The following PCYT1A variants were observed in gnomAD, a reference collection of about 807,000 sequenced individuals.
The protein encoded by PCYT1A is choline-phosphate cytidylyltransferase A.
A neutral mutation model predicts 43.7 loss-of-function variants in PCYT1A; 25 were observed. The ratio of observed to expected loss-of-function variants is 0.57; its 90% CI spans 0.42 to 0.80. PCYT1A has a LOEUF of 0.80. Among genes scored for constraint, PCYT1A ranks in the 30% least tolerant of loss-of-function variants. PCYT1A has a pLI of 0.00. For synonymous variants in PCYT1A, 172 were observed against 170.7 expected, an observed-to-expected ratio of 1.01 and a Z score of -0.06; for missense variants, 421 against 474.2, an observed-to-expected ratio of 0.89 and a Z score of 1.04.
chr3:196,245,261 C>T (rs1724525756), intron 5 of PCYT1A, among the ~76,000 whole-genome samples: 1 of 151,876 alleles, frequency 6.6e-6, no homozygotes, highest in Non-Finnish European at 1.5e-5. Flanking sequence ...CCTGCCTCAG[C>T]CTCCCGAGTA....
chr3:196,257,253 A>G (rs1724974557), intron 3 of PCYT1A, among the ~76,000 whole-genome samples: 1 of 152,240 alleles, frequency 6.6e-6, no homozygotes, highest in Non-Finnish European at 1.5e-5. Context: ...TATGTAAATT[A>G]AGCATGCAAA....
At chr3:196,264,084 G>A (rs1307439167) in intron 2 of PCYT1A, among the ~76,000 whole-genome samples, 1 of 152,016 alleles carries the variant, frequency 6.6e-6, no homozygotes, top group African/African-American at 2.4e-5. Context: ...TAAACTCTTT[G>A]TCTTCCTCCT....
chr3:196,261,273 A>G (rs1325748560), intron 2 of PCYT1A, among the ~76,000 whole-genome samples: 1 of 152,226 alleles, frequency 6.6e-6, no homozygotes, highest in Admixed American at 6.5e-5. Context: ...ATGGTTGTAC[A>G]ACAGTATGAC....
chr3:196,267,110 C>T (rs1291145678), intron 2 of PCYT1A, among the ~76,000 whole-genome samples: 1 of 144,362 alleles, frequency 6.9e-6, no homozygotes, highest in Non-Finnish European at 1.5e-5. Context: ...ACCCAGGAGG[C>T]GGAGGTTGCA....
chr3:196,243,263 G>A (rs1226078963), intron 5 of PCYT1A: 3 of 152,596 alleles, frequency 2.0e-5, no homozygotes, highest in African/African-American at 7.3e-5. Flanking sequence ...AGGAGGCAGA[G>A]GCTACAGTGA....
Position 196,235,873 on chromosome 3 carries a change from C to T in PCYT1A, c.*2815G>A, listed in dbSNP as rs1362511791. 1 of 152,314 alleles carries T rather than the reference C, an allele frequency of 6.6e-6. No homozygotes were observed. The highest frequency in any genetic ancestry group is 1.5e-5 in the Non-Finnish European group (1 of 68,112). 9.4% of individuals were successfully genotyped at this position (152,314 alleles called of 1,614,324 possible). ...CAGATGACCACATTATGCAACTTCC[C>T]AACAGCTTTCTCCATCTACCCGTGC... On this transcript the variant is annotated 3_prime_UTR_variant, in exon 9 of 9. Transcript: ENST00000431016. The surrounding 1 kb of genome is among the most constrained non-coding windows in gnomAD (Gnocchi z 4.3).
rs374831064 is a variant in PCYT1A, at chr3:196,238,801, A to C, written c.991T>G (p.Ser331Ala). The change falls in exon 9 of 9, where the codon TCC (serine) becomes GCC (alanine). Residue 331 changes from serine to alanine, a missense_variant. Physicochemically the swap from Ser to Ala is moderately conservative, Grantham distance 99 (BLOSUM62 1). This residue lies in a region of PCYT1A where 108 missense variants were observed against 85.7 expected (regional missense o/e 1.26). Coordinates refer to ENST00000431016, the MANE Select transcript of PCYT1A (RefSeq NM_001312673.2). ...SSSPTRERSPSPSFRWPFSGK... is the reference protein window; with the variant it reads ...SSSPTRERSPAPSFRWPFSGK... ...GAGAAGGGCCATCGGAAAGAGGGGG[A>C]GGGGGAGCGCTCGCGAGTAGGGCTG... 3 of 1,580,948 alleles carry C rather than the reference A, an allele frequency of 1.9e-6. No individual in the cohort carries two copies. Among genetic ancestry groups the C allele is most frequent in the Middle Eastern group, 1.7e-4 (1 of 5,860 alleles).
rs1212274641 is a variant in PCYT1A, at chr3:196,238,123, T to G, written c.*565A>C. 1 of 152,372 alleles carries G rather than the reference T, an allele frequency of 6.6e-6. No homozygotes were observed. The highest frequency in any genetic ancestry group is 1.5e-5 in the Non-Finnish European group (1 of 68,030). 9.4% of individuals were successfully genotyped at this position (152,372 alleles called of 1,614,324 possible). On this transcript the variant is annotated 3_prime_UTR_variant, in exon 9 of 9. Coordinates refer to ENST00000431016, the MANE Select transcript of PCYT1A (RefSeq NM_001312673.2). The stretch of plus-strand genomic sequence containing the variant: ...CAATGACACTGGTGACAGCAGTACG[T>G]TCAGGGGATTTGTGACTGTAACTCT...
At position 196,239,743 on chromosome 3, in the gene PCYT1A, A is replaced by G; in HGVS notation, c.709-8T>C. On this transcript the variant is annotated splice_polypyrimidine_tract_variant and splice_region_variant and intron_variant, in intron 7 of 8. Transcript: ENST00000431016. ...CAAGTGGTATTTCTTCTCCTAGATA[A>G]AGAAATAACTCTTCTGAGAAATAAT... is the stretch of plus-strand genomic sequence containing the variant. The G allele has an allele frequency of 1.3e-6, 2 of 1,569,688 alleles. No homozygotes were observed. Among genetic ancestry groups the G allele is most frequent in the Non-Finnish European group, 1.8e-6 (2 of 1,140,160 alleles).
intron 1 of PCYT1A, among the ~76,000 whole-genome samples, chr3:196,285,017 T>G (rs1434376524): frequency 6.6e-6 from 1 of 152,192 alleles, no homozygotes; most frequent in Non-Finnish European, 1.5e-5. Context: ...TCATTCCCAT[T>G]CAAGAACCTA....
chr3:196,266,144 C>T lies in PCYT1A; in HGVS notation c.117+4271G>A, dbSNP rs181737466. Reference sequence around the variant, plus strand: ...AAGGAAGGTCTTGTTTATCTTTACACGTCTACCACCTACTGCCATACTAGC... The same window carrying T: ...AAGGAAGGTCTTGTTTATCTTTACATGTCTACCACCTACTGCCATACTAGC... On this transcript the variant is annotated intron_variant, in intron 2 of 8. Transcript: ENST00000431016. Among the ~76,000 whole-genome samples the T allele has an allele frequency of 5.0e-3, 757 of 152,102 alleles. 6 individuals carry two copies. Among genetic ancestry groups the T allele is most frequent in the Non-Finnish European group, 7.7e-3 (526 of 67,990 alleles).
intron 1 of PCYT1A, among the ~76,000 whole-genome samples, chr3:196,278,836 C>G (rs191024388): frequency 3.3e-5 from 5 of 150,528 alleles, no homozygotes; most frequent in Admixed American, 2.7e-4. Context: ...AAATAATTAG[C>G]CAGGAGTGGT....
intron 1 of PCYT1A, among the ~76,000 whole-genome samples, chr3:196,283,112 T>G (rs984168139): frequency 6.6e-6 from 1 of 152,208 alleles, no homozygotes; most frequent in East Asian, 1.9e-4. Context: ...CCGAGGCGGA[T>G]GGATCACTTG....
chr3:196,243,740 T>C lies in PCYT1A; in HGVS notation c.487-1100A>G, dbSNP rs1018317717. The stretch of plus-strand genomic sequence containing the variant: ...TGGTGGAGACAGGGTTTTGCTGTGT[T>C]GGCCGGGCTGGTCTCCAGCTCCTAA... On this transcript the variant is annotated intron_variant, in intron 5 of 8. Coordinates refer to ENST00000431016, the MANE Select transcript of PCYT1A (RefSeq NM_001312673.2). Among the ~76,000 whole-genome samples, 14 of 152,378 alleles carry C rather than the reference T, an allele frequency of 9.2e-5. No individual in the cohort carries two copies. In the East Asian group the frequency reaches 1.9e-3, roughly 21 times the overall value.
chr3:196,270,636 A>C, intron 1 of PCYT1A, 95 bp from the exon 2 acceptor site: 1 of 822,966 alleles, frequency 1.2e-6, no homozygotes, highest in Non-Finnish European at 2.2e-6. Flanking sequence ...TACACTCAGC[A>C]AAATACCAAT....
At chr3:196,256,697 G>A (rs1342358979) in intron 3 of PCYT1A, among the ~76,000 whole-genome samples, 3 of 151,832 alleles carry the variant, frequency 2.0e-5, no homozygotes, top group Non-Finnish European at 2.9e-5. Flanking sequence ...CCACCACCAC[G>A]CCCAGCTAAC....
rs1476271103 is a variant in PCYT1A at position 196,281,238 on chromosome 3, A to C, written c.-11+6377T>G. ...GCAAGCTCTGGAAACTCAAGGGTTA[A>C]AGTGCATCTAATATTCCTGGCATTC... On this transcript the variant is annotated intron_variant, in intron 1 of 8. Coordinates refer to ENST00000431016, the MANE Select transcript of PCYT1A (RefSeq NM_001312673.2). Among the ~76,000 whole-genome samples, 4 of 152,226 alleles carry C rather than the reference A, an allele frequency of 2.6e-5. No individual in the cohort carries two copies. In the East Asian group the frequency reaches 7.7e-4, roughly 29 times the overall value.
At chr3:196,241,791 A>G (rs1724365543) in intron 7 of PCYT1A, 157 bp downstream of exon 7, 3 of 1,209,502 alleles carry the variant, frequency 2.5e-6, no homozygotes, top group Non-Finnish European at 3.6e-6. Flanking sequence ...TGTCTGTTTC[A>G]TTCTTTTTGT....
At position 196,238,174 on chromosome 3, in the gene PCYT1A, C is replaced by A. The variant is rs1285776842; in HGVS notation, c.*514G>T. On this transcript the variant is annotated 3_prime_UTR_variant, in exon 9 of 9. Transcript: ENST00000431016. ...GCTTTTCGCTTTTCCTTAAGGAAAT[C>A]AAAATTAAGATATTTCTCCACAAAT... The A allele has an allele frequency of 6.6e-6, 1 of 152,622 alleles. No individual in the cohort carries two copies. Among genetic ancestry groups the A allele is most frequent in the Non-Finnish European group, 1.5e-5 (1 of 68,060 alleles). 9.5% of individuals were successfully genotyped at this position (152,622 alleles called of 1,614,324 possible).
Sources: allele counts gnomAD v4.1 joint callset (sites outside exome capture counted in the v4.1 genomes callset), GRCh38; gene constraint gnomAD v4.1.1; regional missense constraint gnomAD v4.1.1; non-coding constraint Gnocchi (gnomAD v3.1); transcripts MANE v1.5; gene names NCBI Gene and HGNC (gene_info 2026-07-23, HGNC 2026-07-21).